The following MED13L variants were observed in gnomAD, a reference collection of about 807,000 sequenced individuals.
The protein encoded by MED13L is mediator of RNA polymerase II transcription subunit 13-like.
MED13L carries 7 observed loss-of-function variants against 220.9 expected under a neutral mutation model. The ratio of observed to expected loss-of-function variants is 0.03; its 90% CI spans 0.02 to 0.06. The LOEUF is 0.06. MED13L is among the 10% of genes least tolerant of loss of function. MED13L has a pLI of 1.00. For synonymous variants in MED13L, 1,011 were observed against 1,015.2 expected (o/e 1.00, Z 0.08); for missense variants, 1,965 against 2,760.5 (o/e 0.71, Z 6.46).
chr12:116,240,702 A>T (rs1210720779), intron 1 of MED13L, among the ~76,000 whole-genome samples: 1 of 150,696 alleles, frequency 6.6e-6, no homozygotes, highest in Non-Finnish European at 1.5e-5. Context: ...GCGCCCGGCT[A>T]ATTTTTTGTA....
At chr12:116,172,044 T>G (rs1879716738) in intron 2 of MED13L, among the ~76,000 whole-genome samples, 1 of 152,214 alleles carries the variant, frequency 6.6e-6, no homozygotes, top group Non-Finnish European at 1.5e-5. Flanking sequence ...AATCAGCAAG[T>G]ATTGAATAAG....
At chr12:116,192,783 T>C (rs1257681774) in intron 2 of MED13L, among the ~76,000 whole-genome samples, 2 of 152,206 alleles carry the variant, frequency 1.3e-5, no homozygotes, top group Non-Finnish European at 2.9e-5. Context: ...GTTCAGCAGT[T>C]CAAGACCAGC....
At chr12:116,240,594 G>A (rs1308190419) in intron 1 of MED13L, among the ~76,000 whole-genome samples, 2 of 150,972 alleles carry the variant, frequency 1.3e-5, no homozygotes, top group African/African-American at 2.4e-5. Context: ...GTGCAGTGGC[G>A]CGATCTCGGC....
chr12:116,277,657 C>T lies in MED13L; in HGVS notation c.-526G>A, dbSNP rs1170304488. 6.7e-6 allele frequency among the ~76,000 whole-genome samples: 1 copy of T among 149,640 alleles called. No homozygotes were observed. Among genetic ancestry groups the T allele is most frequent in the African/African-American group, 2.4e-5 (1 of 41,174 alleles). ...CCCTCCTCCCCAGTCAGCCTCGCTT[C>T]TCCTCCCTCCCCGGGCTCGCTTGCT... On this transcript the variant is annotated 5_prime_UTR_variant, in exon 1 of 31. Coordinates refer to ENST00000281928, the MANE Select transcript of MED13L (RefSeq NM_015335.5).
chr12:116,143,532 A>C (rs954397553), intron 2 of MED13L, among the ~76,000 whole-genome samples: 1 of 152,184 alleles, frequency 6.6e-6, no homozygotes, highest in Admixed American at 6.5e-5. Context: ...CATTAAGTAC[A>C]TTAGCTAGGT....
intron 2 of MED13L, among the ~76,000 whole-genome samples, chr12:116,156,964 C>T (rs973144898): frequency 4.6e-5 from 7 of 152,020 alleles, no homozygotes; most frequent in Admixed American, 6.6e-5. Flanking sequence ...ATAAAACTAC[C>T]GTAATAGTCC....
At chr12:116,102,909 G>C (rs1486244718) in intron 3 of MED13L, among the ~76,000 whole-genome samples, 1 of 151,250 alleles carries the variant, frequency 6.6e-6, no homozygotes, top group African/African-American at 2.4e-5. Flanking sequence ...GTAGAGACGG[G>C]GTTTCACCAT....
chr12:116,066,973 C>A (rs778319881), intron 4 of MED13L, among the ~76,000 whole-genome samples: 11 of 151,966 alleles, frequency 7.2e-5, no homozygotes, highest in Non-Finnish European at 1.2e-4. Context: ...CAACCAACCA[C>A]AACAAAGTAA....
chr12:116,098,468 C>T lies in MED13L; in HGVS notation c.396-1716G>A, dbSNP rs188380711. Among the ~76,000 whole-genome samples, 190 of 152,154 alleles carry T rather than the reference C, an allele frequency of 1.2e-3. 2 individuals carry two copies. Among genetic ancestry groups the T allele is most frequent in the Non-Finnish European group, 2.6e-4 (18 of 68,010 alleles). Reference sequence around the variant, plus strand: ...AGAGTTATATAGCAATTCTTTATTCCATATTGAGGCAATTCTGCACATGGC... The same window carrying T: ...AGAGTTATATAGCAATTCTTTATTCTATATTGAGGCAATTCTGCACATGGC... On this transcript the variant is annotated intron_variant, in intron 3 of 30. Coordinates refer to ENST00000281928, the MANE Select transcript of MED13L (RefSeq NM_015335.5).
At position 116,239,272 on chromosome 12, in the gene MED13L, A is replaced by T. The variant is rs149046758; in HGVS notation, c.73-1567T>A. ...AAATTTTTAATGAATATGTTTAGTA[A>T]AAAGCTGGCACTGGCATCATTTAGG... is the stretch of plus-strand genomic sequence containing the variant. On this transcript the variant is annotated intron_variant, in intron 1 of 30. Transcript: ENST00000281928. 5.0e-4 allele frequency among the ~76,000 whole-genome samples: 76 copies of T among 152,364 alleles called. 1 individual carries two copies. In the East Asian group the frequency reaches 0.014, roughly 27 times the overall value.
At chr12:116,048,653 GT>G (rs201973340) in intron 4 of MED13L, among the ~76,000 whole-genome samples, 108 of 147,500 alleles carry the variant, frequency 7.3e-4, no homozygotes, top group Admixed American at 1.7e-3. Flanking sequence ...ATGAAATTTT[GT>G]TTTTTTTTTA....
At chr12:116,107,244 G>T (rs79177524) in intron 3 of MED13L, among the ~76,000 whole-genome samples, 1 of 152,184 alleles carries the variant, frequency 6.6e-6, no homozygotes, top group African/African-American at 2.4e-5. Flanking sequence ...GTCTGATATC[G>T]TTATGGACAA....
intron 2 of MED13L, among the ~76,000 whole-genome samples, chr12:116,179,281 A>C (rs939159533): frequency 6.6e-6 from 1 of 151,858 alleles, no homozygotes; most frequent in Non-Finnish European, 1.5e-5. Flanking sequence ...AATAAATACA[A>C]GAGATTATCT....
At position 116,007,645 on chromosome 12, in the gene MED13L, C is replaced by CAAAAA. The variant is rs542425590; in HGVS notation, c.2013-14_2013-10dup. On this transcript the variant is annotated splice_polypyrimidine_tract_variant and intron_variant, in intron 10 of 30. Coordinates refer to ENST00000281928, the MANE Select transcript of MED13L (RefSeq NM_015335.5). ...TAGGTTGTGCTAAGAGTCTAAAAGA[C>CAAAAA]AAAAAAAAAAAAAAAAAAAAGAGCA... is the stretch of plus-strand genomic sequence containing the variant. The CAAAAA allele has an allele frequency of 1.7e-3, 1,291 of 758,724 alleles. 18 individuals carry two copies. The highest frequency in any genetic ancestry group is 4.3e-3 in the South Asian group (180 of 41,402). 47.0% of individuals were successfully genotyped at this position (758,724 alleles called of 1,614,324 possible).
At chr12:116,162,764 A>G (rs766879131) in intron 2 of MED13L, among the ~76,000 whole-genome samples, 2 of 152,224 alleles carry the variant, frequency 1.3e-5, no homozygotes, top group African/African-American at 2.4e-5. Flanking sequence ...TGTATATACA[A>G]TTCCTCGTAA....
rs762532200 is a variant in MED13L at position 115,975,124 on chromosome 12, G to GC, written c.5731+46dup. ...TAGCTCAGTTAATGACAATAGCTGA[G>GC]CCCTTTTCCTCTGTCTTCTGCAAAT... On this transcript the variant is annotated intron_variant, in intron 25 of 30. Coordinates refer to ENST00000281928, the MANE Select transcript of MED13L (RefSeq NM_015335.5). The GC allele has an allele frequency of 3.8e-6, 6 of 1,574,716 alleles. No homozygotes were observed. In the Admixed American group the frequency reaches 6.7e-5, roughly 18 times the overall value.
At chr12:116,031,799 G>GGAAGGAAGGAAGGAAA (rs1566021028) in intron 4 of MED13L, among the ~76,000 whole-genome samples, 3 of 146,496 alleles carry the variant, frequency 2.0e-5, no homozygotes, top group African/African-American at 5.0e-5. Context: ...AAGGAAGGAA[G>GGAAGGAAGGAAGGAAA]GAAAGAAAGA....
chr12:115,987,033 T>C, intron 18 of MED13L, 76 bp downstream of exon 18: 1 of 1,451,136 alleles, frequency 6.9e-7, no homozygotes, highest in Non-Finnish European at 9.6e-7. Flanking sequence ...ACGCAAGGAC[T>C]TGACAGTAAC....
chr12:116,018,728 A>G (rs1879876017), intron 7 of MED13L, among the ~76,000 whole-genome samples: 1 of 152,292 alleles, frequency 6.6e-6, no homozygotes, highest in East Asian at 1.9e-4. Context: ...TTATTAATGC[A>G]GACACTTTAC....
Sources: allele counts gnomAD v4.1 joint callset (sites outside exome capture counted in the v4.1 genomes callset), GRCh38; gene constraint gnomAD v4.1.1; transcripts MANE v1.5; gene names NCBI Gene and HGNC (gene_info 2026-07-23, HGNC 2026-07-21).